The following MCTP1 variants were observed in gnomAD, a reference collection of about 807,000 sequenced individuals.
MCTP1 encodes multiple C2 and transmembrane domain-containing protein 1.
MCTP1 carries 69 observed loss-of-function variants against 120.6 expected under a neutral mutation model. The observed-to-expected ratio is 0.57, with a 90% CI of 0.47 to 0.70. MCTP1 has a LOEUF of 0.70. MCTP1 is among the 30% of genes least tolerant of loss of function. MCTP1 has a pLI of 0.00. For missense variants in MCTP1, 1,203 were observed against 1,248.8 expected (o/e 0.96, Z 0.55); for synonymous variants, 529 against 493.1 (o/e 1.07, Z -0.96).
intron 17 of MCTP1, among the ~76,000 whole-genome samples, chr5:94,859,791 T>C (rs191632676): frequency 6.6e-6 from 1 of 151,850 alleles, no homozygotes; most frequent in East Asian, 1.9e-4. Flanking sequence ...ATACAACCAG[T>C]ATATTAATTT....
At chr5:94,827,596 G>A (rs759507701) in intron 17 of MCTP1, among the ~76,000 whole-genome samples, 1 of 152,040 alleles carries the variant, frequency 6.6e-6, no homozygotes, top group Non-Finnish European at 1.5e-5. Flanking sequence ...TCACCTTCAG[G>A]TACACCAATC....
chr5:95,129,576 A>G (rs1017864214), intron 1 of MCTP1, among the ~76,000 whole-genome samples: 1 of 152,254 alleles, frequency 6.6e-6, no homozygotes, highest in Non-Finnish European at 1.5e-5. Flanking sequence ...CACTTAAATC[A>G]GTAAACTGAG....
intron 17 of MCTP1, among the ~76,000 whole-genome samples, chr5:94,842,556 G>GA (rs950399913): frequency 2.6e-5 from 4 of 152,102 alleles, no homozygotes; most frequent in Admixed American, 6.6e-5. Flanking sequence ...TATGTTTGGG[G>GA]AAAAAATCAT....
chr5:94,899,686 C>T (rs1804996944), intron 10 of MCTP1, among the ~76,000 whole-genome samples: 1 of 152,292 alleles, frequency 6.6e-6, no homozygotes, highest in East Asian at 1.9e-4. Flanking sequence ...CACCTCTTCC[C>T]TTTCACAAAC....
At chr5:94,777,024 A>ATT (rs35307263) in intron 19 of MCTP1, among the ~76,000 whole-genome samples, 1 of 151,996 alleles carries the variant, frequency 6.6e-6, no homozygotes, top group Non-Finnish European at 1.5e-5. Flanking sequence ...TTCAGATATG[A>ATT]TTTTTATGCT....
chr5:95,097,801 A>G (rs1485419573), intron 1 of MCTP1, among the ~76,000 whole-genome samples: 2 of 152,226 alleles, frequency 1.3e-5, no homozygotes, highest in African/African-American at 4.8e-5. Context: ...AAGCACGAAG[A>G]AAAGAAAAAG....
At chr5:95,092,589 T>A (rs556603455) in intron 1 of MCTP1, among the ~76,000 whole-genome samples, 134 of 152,264 alleles carry the variant, frequency 8.8e-4, no homozygotes, top group African/African-American at 3.1e-3. Context: ...TTGCCCTGAT[T>A]TGATCATTAC....
intron 1 of MCTP1, among the ~76,000 whole-genome samples, chr5:95,059,440 T>C (rs1582079547): frequency 6.6e-6 from 1 of 151,462 alleles, no homozygotes. Flanking sequence ...AGAGCAAAGG[T>C]TGAAAAACTA....
intron 19 of MCTP1, among the ~76,000 whole-genome samples, chr5:94,731,692 C>T (rs1743085106): frequency 1.3e-5 from 2 of 152,164 alleles, no homozygotes; most frequent in African/African-American, 4.8e-5. Flanking sequence ...CTTTTTGGCA[C>T]ATCTACCAGT....
At chr5:95,159,059 A>T (rs979046805) in intron 1 of MCTP1, among the ~76,000 whole-genome samples, 1 of 152,242 alleles carries the variant, frequency 6.6e-6, no homozygotes, top group Non-Finnish European at 1.5e-5. Context: ...GACTTTAGGC[A>T]ATCATACCAG....
intron 11 of MCTP1, among the ~76,000 whole-genome samples, chr5:94,890,370 G>C (rs1802311334): frequency 6.6e-6 from 1 of 152,074 alleles, no homozygotes. Flanking sequence ...GGGATAAGAA[G>C]ATCAACATTA....
intron 17 of MCTP1, among the ~76,000 whole-genome samples, chr5:94,862,098 G>GA (rs759373379): frequency 2.6e-5 from 4 of 151,650 alleles, no homozygotes; most frequent in South Asian, 2.1e-4. Context: ...CTATACCTGA[G>GA]AAAAAATGAA....
chr5:94,943,327 G>A (rs556693027), intron 3 of MCTP1, among the ~76,000 whole-genome samples: 2 of 152,166 alleles, frequency 1.3e-5, no homozygotes, highest in South Asian at 4.2e-4. Context: ...TGAAGGAAAC[G>A]GCAAGCCCAG....
chr5:95,027,676 C>A (rs1434650961), intron 1 of MCTP1, among the ~76,000 whole-genome samples: 1 of 152,144 alleles, frequency 6.6e-6, no homozygotes, highest in Non-Finnish European at 1.5e-5. Flanking sequence ...TCTATGAGCT[C>A]CCACTGCTGA....
At chr5:95,166,248 C>A (rs1026298287) in intron 1 of MCTP1, 2 of 152,138 alleles carry the variant, frequency 1.3e-5, no homozygotes, top group African/African-American at 4.8e-5. Context: ...TTTCTCTATA[C>A]CACTCAAAGG....
At position 95,099,936 on chromosome 5, in the gene MCTP1, T is replaced by C. The variant is rs554493612; in HGVS notation, c.721-82452A>G. ...GGCACATATACACCATGGAATACCA[T>C]GCAGTCATAAAAAATGATGAGTTCA... On this transcript the variant is annotated intron_variant, in intron 1 of 22. Coordinates refer to ENST00000515393, the MANE Select transcript of MCTP1 (RefSeq NM_024717.7). Among the ~76,000 whole-genome samples, 3 of 152,104 alleles carry C rather than the reference T, an allele frequency of 2.0e-5. No individual in the cohort carries two copies. In the East Asian group the frequency reaches 5.8e-4, roughly 29 times the overall value.
intron 1 of MCTP1, among the ~76,000 whole-genome samples, chr5:95,077,496 G>A (rs930019088): frequency 1.3e-5 from 2 of 150,132 alleles, no homozygotes; most frequent in African/African-American, 2.5e-5. Context: ...TTTTTGAGAC[G>A]GAGTCCCACT....
intron 6 of MCTP1, among the ~76,000 whole-genome samples, chr5:94,926,784 C>A (rs1003327042): frequency 6.6e-6 from 1 of 152,168 alleles, no homozygotes; most frequent in Non-Finnish European, 1.5e-5. Context: ...CCCTTTTAAT[C>A]GGTCCAGGAA....
At chr5:95,175,068 G>A (rs907370162) in intron 1 of MCTP1, among the ~76,000 whole-genome samples, 2 of 152,060 alleles carry the variant, frequency 1.3e-5, no homozygotes, top group Admixed American at 6.5e-5. Flanking sequence ...AGGGAAAAAT[G>A]CAAGAAAAAA....
Sources: gnomAD v4.1 joint callset for allele counts (sites outside exome capture counted in the v4.1 genomes callset) on GRCh38, gnomAD v4.1.1 for gene constraint, MANE v1.5 for transcripts, NCBI Gene and HGNC (gene_info 2026-07-23, HGNC 2026-07-21) for gene names.